The following RB1CC1 variants were observed in gnomAD, a reference collection of about 807,000 sequenced individuals.
RB1CC1 encodes the protein RB1 inducible coiled-coil 1, also known as RB1-inducible coiled-coil protein 1.
Under a neutral mutation model 177.5 loss-of-function variants are expected in RB1CC1, and 46 were observed. That is an observed-to-expected ratio of 0.26 (90% CI 0.20 to 0.33). The LOEUF (loss-of-function observed/expected upper bound fraction) is 0.33, where lower values mean the gene tolerates loss of function less well. RB1CC1 is among the 10% of genes least tolerant of loss of function. RB1CC1 has a pLI of 1.00. For missense variants in RB1CC1, 1,703 were observed against 1,816.3 expected (o/e 0.94, Z 1.13); for synonymous variants, 666 against 613.6 (o/e 1.09, Z -1.26).
At chr8:52,668,670 C>A (rs1292094471) in intron 7 of RB1CC1, among the ~76,000 whole-genome samples, 1 of 152,124 alleles carries the variant, frequency 6.6e-6, no homozygotes, top group East Asian at 1.9e-4. Context: ...CTCTCCTGTT[C>A]CCTGGCTCTA....
At chr8:52,663,861 G>A (rs574114211) in intron 8 of RB1CC1, among the ~76,000 whole-genome samples, 10 of 152,284 alleles carry the variant, frequency 6.6e-5, no homozygotes, top group Non-Finnish European at 1.3e-4. Context: ...TCAGGAATGT[G>A]TGGTAAGACC....
chr8:52,678,903 T>C (rs1435096349), intron 5 of RB1CC1, among the ~76,000 whole-genome samples: 2 of 152,208 alleles, frequency 1.3e-5, no homozygotes, highest in Non-Finnish European at 2.9e-5. Context: ...GGGCTAATAG[T>C]TTCAGTTGTA....
intron 19 of RB1CC1, 66 bp downstream of exon 19, chr8:52,635,949 T>C: frequency 1.3e-6 from 2 of 1,551,366 alleles, no homozygotes. Flanking sequence ...GTTTCCAGAA[T>C]GAAGTTTAAC....
intron 21 of RB1CC1, among the ~76,000 whole-genome samples, chr8:52,629,278 C>T (rs1848597837): frequency 1.3e-5 from 2 of 152,172 alleles, no homozygotes; most frequent in African/African-American, 2.4e-5. Context: ...CTTTCACAAC[C>T]TTCCTGTCAG....
Position 52,657,177 on chromosome 8 carries a change from T to G in RB1CC1, c.2652A>C (p.Glu884Asp), listed in dbSNP as rs779104550. Residue 884 changes from glutamate to aspartate, a missense_variant, in exon 15 of 24, where the codon GAA becomes GAC. Around this residue, in one of 6 missense-constraint regions of RB1CC1, gnomAD observed 1,169 missense variants for 1,184.7 expected, o/e 0.99. Transcript: ENST00000025008. ...TAATTTTGTTTTCATTCTCTTCAGT[T>G]TCCTTTATTAGTCCGTCAAGTTTAC... ...YEGKLDGLIKETEENENKIKK... is the reference protein window; with the variant it reads ...YEGKLDGLIKDTEENENKIKK... The G allele has an allele frequency of 1.2e-6, 2 of 1,606,402 alleles. No homozygotes were observed. Among genetic ancestry groups the G allele is most frequent in the South Asian group, 2.2e-5 (2 of 90,686 alleles).
At chr8:52,643,130 G>C (rs910088232) in intron 16 of RB1CC1, 3 of 178,960 alleles carry the variant, frequency 1.7e-5, no homozygotes, top group Non-Finnish European at 3.5e-5. Flanking sequence ...CTTTTTTCCT[G>C]GAGTAATCAT....
chr8:52,631,122 G>T (rs913051868), intron 20 of RB1CC1, among the ~76,000 whole-genome samples: 5 of 152,118 alleles, frequency 3.3e-5, no homozygotes, highest in Non-Finnish European at 7.4e-5. Flanking sequence ...GTAAATGTGC[G>T]ATTTGTGAGA....
intron 1 of RB1CC1, among the ~76,000 whole-genome samples, chr8:52,710,862 A>G (rs1857003433): frequency 6.6e-6 from 1 of 152,178 alleles, no homozygotes; most frequent in African/African-American, 2.4e-5. Flanking sequence ...TTTGCAGTAA[A>G]ACAATTACTA....
At chr8:52,652,853 T>C (rs1850735080) in intron 15 of RB1CC1, among the ~76,000 whole-genome samples, 1 of 150,582 alleles carries the variant, frequency 6.6e-6, no homozygotes, top group Admixed American at 6.6e-5. Flanking sequence ...AGGTCAGGAG[T>C]TCGAGACCAG....
intron 1 of RB1CC1, among the ~76,000 whole-genome samples, chr8:52,690,588 G>A (rs1025970029): frequency 6.6e-6 from 1 of 152,214 alleles, no homozygotes; most frequent in African/African-American, 2.4e-5. Context: ...GAAGAGGCCT[G>A]AACTGAGAAG....
intron 8 of RB1CC1, among the ~76,000 whole-genome samples, chr8:52,663,289 G>A (rs971289459): frequency 2.0e-5 from 3 of 151,726 alleles, no homozygotes; most frequent in Admixed American, 6.6e-5. Context: ...TCAAGGATAC[G>A]AATGGCTAGA....
chr8:52,666,203 A>C (rs991851514), intron 8 of RB1CC1, among the ~76,000 whole-genome samples: 1 of 152,162 alleles, frequency 6.6e-6, no homozygotes, highest in African/African-American at 2.4e-5. Context: ...AAAAGGCAAG[A>C]CCATAAGAGT....
chr8:52,651,294 C>T (rs1449474958), intron 15 of RB1CC1, among the ~76,000 whole-genome samples: 3 of 152,186 alleles, frequency 2.0e-5, no homozygotes, highest in East Asian at 1.9e-4. Context: ...AAATGAGATA[C>T]TCTAGATCAA....
intron 6 of RB1CC1, among the ~76,000 whole-genome samples, chr8:52,675,820 G>C (rs1853068280): frequency 1.3e-5 from 2 of 150,456 alleles, no homozygotes; most frequent in South Asian, 4.2e-4. Context: ...CTGGGAGGTG[G>C]AGGTTGCAGT....
chr8:52,671,029 C>T (rs1218979478), intron 7 of RB1CC1, among the ~76,000 whole-genome samples: 2 of 151,034 alleles, frequency 1.3e-5, no homozygotes, highest in Non-Finnish European at 2.9e-5. Context: ...AATGCAGCAA[C>T]AATTCTAAAT....
At chr8:52,648,409 C>T (rs1373881174) in intron 15 of RB1CC1, among the ~76,000 whole-genome samples, 10 of 152,144 alleles carry the variant, frequency 6.6e-5, no homozygotes, top group African/African-American at 2.4e-5. Context: ...AATGGCCCTG[C>T]TATCAGGGGA....
Position 52,656,262 on chromosome 8 carries a change from A to G in RB1CC1, c.3567T>C (p.Ala1189=), listed in dbSNP as rs756421312. ...LQSKLDSELS[A]LERQKDEKIT... is the part of the protein sequence containing the mutation. The stretch of plus-strand genomic sequence containing the variant: ...TTTTTTCATCTTTTTGTCTTTCAAG[A>G]GCACTCAATTCTGAATCCAATTTAC... The change falls in exon 15 of 24, where the codon GCT becomes GCC. Residue 1189 remains alanine (A), a synonymous_variant. Transcript: ENST00000025008. 1.2e-6 allele frequency: 2 copies of G among 1,613,230 alleles called. No individual in the cohort carries two copies. The highest frequency in any genetic ancestry group is 2.2e-5 in the East Asian group (1 of 44,834).
At chr8:52,633,647 C>G (rs1848920062) in intron 20 of RB1CC1, among the ~76,000 whole-genome samples, 1 of 152,170 alleles carries the variant, frequency 6.6e-6, no homozygotes, top group South Asian at 2.1e-4. Context: ...GAACAGAAGC[C>G]TTAAACTGTT....
intron 1 of RB1CC1, among the ~76,000 whole-genome samples, chr8:52,709,333 C>T (rs992532966): frequency 1.1e-4 from 17 of 152,212 alleles, no homozygotes; most frequent in African/African-American, 3.9e-4. Context: ...CTCACATACT[C>T]ATTAAAATCT....
Sources: gnomAD v4.1 joint callset for allele counts (sites outside exome capture counted in the v4.1 genomes callset) on GRCh38, gnomAD v4.1.1 for gene constraint, gnomAD v4.1.1 regional missense constraint, MANE v1.5 for transcripts, NCBI Gene and HGNC (gene_info 2026-07-23, HGNC 2026-07-21) for gene names.